SRCIN1: variants seen among roughly 807,000 people sequenced by gnomAD.
The protein encoded by SRCIN1 is SRC kinase signaling inhibitor 1.
A neutral mutation model predicts 116.2 loss-of-function variants in SRCIN1; 50 were observed. The observed-to-expected ratio is 0.43, with a 90% confidence interval of 0.34 to 0.54. The LOEUF is 0.54. Among genes scored for constraint, SRCIN1 ranks in the 20% least tolerant of loss-of-function variants. The pLI is 0.02. For synonymous variants in SRCIN1, 736 were observed against 750.0 expected, an observed-to-expected ratio of 0.98 and a Z score of 0.30; for missense variants, 1,446 against 1,672.0, an observed-to-expected ratio of 0.86 and a Z score of 2.36.
At chr17:38,593,141 G>A (rs905283660) in intron 1 of SRCIN1, among the ~76,000 whole-genome samples, 1 of 152,186 alleles carries the variant, frequency 6.6e-6, no homozygotes, top group African/African-American at 2.4e-5. Flanking sequence ...GAGATCGGAG[G>A]GGCGAGCCCA....
In SRCIN1 at chr17:38,568,884, C is replaced by A. The variant is rs1229667559; in HGVS notation, c.325-653G>T. On this transcript the variant is annotated intron_variant, in intron 2 of 18. Coordinates refer to ENST00000617146, the MANE Select transcript of SRCIN1 (RefSeq NM_025248.3). The surrounding 1 kb of genome is among the most constrained non-coding windows in gnomAD (Gnocchi z 4.5). ...TGAATGGAGCAGAGTGGGATCAGAA[C>A]TAGACCCCGGGGCAGAGGTGGATGG... 6.6e-6 allele frequency among the ~76,000 whole-genome samples: 1 copy of A among 150,580 alleles called. No homozygotes were observed. The highest frequency in any genetic ancestry group is 2.0e-4 in the East Asian group (1 of 5,066).
intron 1 of SRCIN1, chr17:38,601,280 G>A (rs1034513885): frequency 5.3e-5 from 8 of 152,322 alleles, no homozygotes; most frequent in African/African-American, 1.9e-4. Flanking sequence ...TCTTTCTGCT[G>A]GGGGGTTTAT....
intron 1 of SRCIN1, among the ~76,000 whole-genome samples, chr17:38,580,884 G>T (rs1461216259): frequency 1.3e-5 from 2 of 152,158 alleles, no homozygotes; most frequent in African/African-American, 4.8e-5. Context: ...CACTCAGCTT[G>T]GAGTATAATG....
chr17:38,551,779 C>G, intron 14 of SRCIN1, 107 bp downstream of exon 14: 1 of 1,586,414 alleles, frequency 6.3e-7, no homozygotes, highest in Non-Finnish European at 8.6e-7. Flanking sequence ...CCCTCCTCCC[C>G]CAAGGAAAAA....
chr17:38,558,434 G>C lies in SRCIN1; in HGVS notation c.2026-32C>G, dbSNP rs559229293. The stretch of plus-strand genomic sequence containing the variant: ...GACGCACGGACGGATGGACCCGGGT[G>C]GGGGGAGCGGAGCCGCGAGGCAGGG... On this transcript the variant is annotated intron_variant, in intron 10 of 18. Transcript: ENST00000617146. This position sits in a 1 kb window ranked among gnomAD's most constrained non-coding sequence, Gnocchi z 4.6. The C allele has an allele frequency of 1.1e-4, 166 of 1,557,300 alleles. No homozygotes were observed. In the Middle Eastern group the frequency reaches 1.1e-3, roughly 10 times the overall value.
At chr17:38,554,307 T>C (rs1199239636) in intron 11 of SRCIN1, among the ~76,000 whole-genome samples, 1 of 152,164 alleles carries the variant, frequency 6.6e-6, no homozygotes, top group African/African-American at 2.4e-5. Context: ...GCTCAGTGCC[T>C]GGGAACTGCT....
chr17:38,576,110 C>A (rs2143300265), intron 2 of SRCIN1, among the ~76,000 whole-genome samples: 1 of 152,276 alleles, frequency 6.6e-6, no homozygotes, highest in Middle Eastern at 3.4e-3. Flanking sequence ...GGCCCTTAGA[C>A]ATGCCTATGC....
chr17:38,575,065 C>A, intron 2 of SRCIN1: 1 of 398,940 alleles, frequency 2.5e-6, no homozygotes. Flanking sequence ...ATTCCTGGGG[C>A]AAGCCTTGGC....
At chr17:38,574,846 T>TG (rs1023099018) in intron 2 of SRCIN1, 18 of 398,514 alleles carry the variant, frequency 4.5e-5, no homozygotes, top group African/African-American at 2.1e-5. Context: ...ACCATGGGCT[T>TG]GGGGGGTGGG....
intron 1 of SRCIN1, among the ~76,000 whole-genome samples, chr17:38,584,524 C>T (rs1205795001): frequency 6.6e-6 from 1 of 152,056 alleles, no homozygotes; most frequent in African/African-American, 2.4e-5. Context: ...CGGGAAGTGG[C>T]GGGCGCCCCC....
At chr17:38,573,552 T>C (rs1210584821) in intron 2 of SRCIN1, among the ~76,000 whole-genome samples, 1 of 152,192 alleles carries the variant, frequency 6.6e-6, no homozygotes, top group African/African-American at 2.4e-5. Flanking sequence ...AGATCCCAGA[T>C]GTGGACAGGC....
In SRCIN1 at chr17:38,552,340, G is replaced by A; in HGVS notation, c.2480+107C>T. 1 of 1,464,066 alleles carries A rather than the reference G, an allele frequency of 6.8e-7. No homozygotes were observed. Among genetic ancestry groups the A allele is most frequent in the Non-Finnish European group, 9.1e-7 (1 of 1,102,390 alleles). 90.7% of individuals were successfully genotyped at this position (1,464,066 alleles called of 1,614,324 possible). A position where few individuals can be genotyped will look rare whatever the true frequency, so the allele number is the denominator to read the frequency against. ...CAGAGCTGAGGTGCCAGTCCAGTCG[G>A]CACGCCAGTGACCTTTGGGGGAGTT... On this transcript the variant is annotated intron_variant, in intron 13 of 18. Coordinates refer to ENST00000617146, the MANE Select transcript of SRCIN1 (RefSeq NM_025248.3). The surrounding 1 kb of genome is among the most constrained non-coding windows in gnomAD (Gnocchi z 5.3).
At chr17:38,580,421 G>A (rs911698687) in intron 1 of SRCIN1, among the ~76,000 whole-genome samples, 14 of 151,970 alleles carry the variant, frequency 9.2e-5, no homozygotes, top group Middle Eastern at 3.2e-3. Flanking sequence ...CATGAGAGCC[G>A]CAGCTCACCA....
intron 11 of SRCIN1, among the ~76,000 whole-genome samples, chr17:38,553,423 C>T (rs1467872950): frequency 2.6e-5 from 4 of 152,202 alleles, no homozygotes; most frequent in Non-Finnish European, 5.9e-5. Flanking sequence ...CCGAGTATCT[C>T]TCATTGTAAC....
chr17:38,540,677 G>A (rs1442853586), intron 18 of SRCIN1, among the ~76,000 whole-genome samples: 3 of 152,138 alleles, frequency 2.0e-5, no homozygotes, highest in East Asian at 1.9e-4. Context: ...GCCCTGGGCC[G>A]CACATGAAGG....
intron 14 of SRCIN1, 169 bp downstream of exon 14, chr17:38,551,717 G>A (rs1905425776): frequency 1.9e-6 from 2 of 1,035,908 alleles, no homozygotes; most frequent in East Asian, 5.1e-5. Context: ...TTCTGTCTAG[G>A]AGGGCTAATG....
Position 38,561,752 on chromosome 17 carries a change from G to A in SRCIN1, c.1411C>T (p.Pro471Ser), listed in dbSNP as rs1906265151. The change falls in exon 7 of 19, where the codon CCG (proline) becomes TCG (serine). Residue 471 changes from proline to serine, a missense_variant. Physicochemically the swap from Pro to Ser is moderately conservative, Grantham distance 74. Around this residue, in one of 5 missense-constraint regions of SRCIN1, gnomAD observed 398 missense variants for 385.6 expected, o/e 1.03. Transcript: ENST00000617146. ...LYGDGYGFRL[P>S]PSSPQKLADV... ...GCCAGCTTCTGCGGTGACGAAGGCG[G>A]CAGGCGGAAGCCGTAGCCGTCGCCG... is the stretch of plus-strand genomic sequence containing the variant. 1.3e-6 allele frequency: 2 copies of A among 1,511,878 alleles called. No homozygotes were observed. Among genetic ancestry groups the A allele is most frequent in the African/African-American group, 1.4e-5 (1 of 70,532 alleles). The allele number at this position is 1,511,878 out of a possible 1,614,324, so 93.7% of individuals were successfully genotyped here.
In SRCIN1 at chr17:38,560,039, G is replaced by C. The variant is rs771213383; in HGVS notation, c.1837+15C>G. ...TCGGAGAGAACAAGGATGGGGGAGG[G>C]GGAGGTTCACTCACGTGCTGAGGGG... On this transcript the variant is annotated intron_variant, in intron 9 of 18. Transcript: ENST00000617146. 1.3e-6 allele frequency: 2 copies of C among 1,544,150 alleles called. No individual in the cohort carries two copies. The highest frequency in any genetic ancestry group is 1.4e-5 in the African/African-American group (1 of 73,196).
chr17:38,585,368 C>T lies in SRCIN1; in HGVS notation c.23-6577G>A, dbSNP rs1908056300. ...CAGGAGGAGCCCCGAGGCACTGCCA[C>T]CTTCGATTGTGCATGATGACTCCAT... On this transcript the variant is annotated intron_variant, in intron 1 of 18. Transcript: ENST00000617146. This position sits in a 1 kb window ranked among gnomAD's most constrained non-coding sequence, Gnocchi z 4.2. 1.3e-5 allele frequency among the ~76,000 whole-genome samples: 2 copies of T among 152,260 alleles called. No individual in the cohort carries two copies. The highest frequency in any genetic ancestry group is 6.5e-5 in the Admixed American group (1 of 15,286).
Sources: gnomAD v4.1 joint callset for allele counts (sites outside exome capture counted in the v4.1 genomes callset) on GRCh38, gnomAD v4.1.1 for gene constraint, gnomAD v4.1.1 regional missense constraint, Gnocchi (gnomAD v3.1) non-coding constraint, MANE v1.5 for transcripts, NCBI Gene and HGNC (gene_info 2026-07-23, HGNC 2026-07-21) for gene names.